Variants in ZNF610 observed in about 807,000 individuals in gnomAD.
ZNF610 encodes zink finger protein.
ZNF610 carries 14 observed loss-of-function variants against 14.1 expected under a neutral mutation model. That is an observed-to-expected ratio of 0.99 (90% CI 0.65 to 1.55). ZNF610 has a LOEUF of 1.55. ZNF610 is among the 40% of genes most tolerant of loss of function. The probability of loss-of-function intolerance (pLI) is 0.00; values close to 1 mark genes in which losing one functional copy is unlikely to be tolerated. For synonymous variants in ZNF610, 185 were observed against 187.6 expected (o/e 0.99, Z 0.11); for missense variants, 530 against 558.0 (o/e 0.95, Z 0.51).
At chr19:52,332,637 C>A (rs1331693561), upstream of ZNF610, among the ~76,000 whole-genome samples, 1 of 152,148 alleles carries the variant, frequency 6.6e-6, no homozygotes, top group Non-Finnish European at 1.5e-5. The surrounding 1 kb of genome is among the most constrained non-coding windows in gnomAD (Gnocchi z 4.1). Flanking sequence ...AAATAAGAGA[C>A]CCTAATACAA....
At chr19:52,349,019 C>T in intron 2 of ZNF610, 135 bp from the exon 3 acceptor site, 2 of 628,130 alleles carry the variant, frequency 3.2e-6, no homozygotes, top group South Asian at 4.0e-5. Flanking sequence ...TTTCTTGTCC[C>T]TGCATCAACT....
At chr19:52,340,216 C>A (rs984865723) in intron 1 of ZNF610, among the ~76,000 whole-genome samples, 1 of 152,030 alleles carries the variant, frequency 6.6e-6, no homozygotes, top group African/African-American at 2.4e-5. Context: ...GCCTGGCCAA[C>A]GTGGTGAAAA....
intron 5 of ZNF610, among the ~76,000 whole-genome samples, chr19:52,359,902 G>A (rs559659665): frequency 4.6e-5 from 7 of 152,254 alleles, no homozygotes; most frequent in Non-Finnish European, 8.8e-5. Context: ...AAAGTTTCTG[G>A]ATTGTCTCAC....
chr19:52,346,194 G>T (rs942081954), intron 1 of ZNF610, among the ~76,000 whole-genome samples: 7 of 148,700 alleles, frequency 4.7e-5, no homozygotes, highest in African/African-American at 1.0e-4. Flanking sequence ...TTTGTTTTTG[G>T]TTTTTTTTGA....
chr19:52,346,593 C>CA (rs552334579), intron 1 of ZNF610, among the ~76,000 whole-genome samples: 2 of 152,246 alleles, frequency 1.3e-5, no homozygotes, highest in African/African-American at 4.8e-5. Flanking sequence ...CCACCACACC[C>CA]AACCCCAAAA....
At chr19:52,362,743 T>G (rs1487804141) in intron 5 of ZNF610, among the ~76,000 whole-genome samples, 1 of 152,236 alleles carries the variant, frequency 6.6e-6, no homozygotes, top group African/African-American at 2.4e-5. Flanking sequence ...TTCTGTTAAT[T>G]TTGTTTTATT....
At position 52,366,146 on chromosome 19, in the gene ZNF610, A is replaced by AGATT. The variant is rs1487888842; in HGVS notation, c.768_769insGATT (p.Gln257AspfsTer8). On this transcript the variant is annotated frameshift_variant, in exon 6 of 6. Coordinates refer to ENST00000403906, the MANE Select transcript of ZNF610 (RefSeq NM_001161425.2). LOFTEE classifies it low-confidence loss of function (END_TRUNC). ...TAGAACATTGGAGAATTCATACTGG[A>AGATT]CAGAAGCCTTACAAATGTAGTGAAT... 6.2e-7 allele frequency: 1 copy of AGATT among 1,613,738 alleles called. No individual in the cohort carries two copies. The highest frequency in any genetic ancestry group is 8.5e-7 in the Non-Finnish European group (1 of 1,179,758).
At chr19:52,346,545 G>A (rs1984968860) in intron 1 of ZNF610, among the ~76,000 whole-genome samples, 1 of 152,108 alleles carries the variant, frequency 6.6e-6, no homozygotes, top group Non-Finnish European at 1.5e-5. Flanking sequence ...TGATCAGCCT[G>A]CCTCAGCCTC....
chr19:52,336,763 C>G (rs1343277769), intron 1 of ZNF610, among the ~76,000 whole-genome samples: 4 of 152,264 alleles, frequency 2.6e-5, no homozygotes, highest in East Asian at 1.9e-4. Context: ...TTGATCCGGG[C>G]CTTCCTACTC....
At position 52,339,922 on chromosome 19, in the gene ZNF610, G is replaced by C. The variant is rs529972735; in HGVS notation, c.-258+3416G>C. On this transcript the variant is annotated intron_variant, in intron 1 of 5. Coordinates refer to ENST00000403906, the MANE Select transcript of ZNF610 (RefSeq NM_001161425.2). ...GATCCACCCGCCTTGGCCTCCCAAA[G>C]TGCTGGGATTACAGGCGTGAGCCAC... Among the ~76,000 whole-genome samples, 23 of 152,288 alleles carry C rather than the reference G, an allele frequency of 1.5e-4. No individual in the cohort carries two copies. The East Asian group carries it at 4.5e-3, about 29-fold the overall frequency.
At chr19:52,331,254 T>G (rs1411555581), upstream of ZNF610, among the ~76,000 whole-genome samples, 1 of 152,210 alleles carries the variant, frequency 6.6e-6, no homozygotes, top group Non-Finnish European at 1.5e-5. Context: ...TCATTGGTTT[T>G]TCTCCCCAGT....
chr19:52,366,082 C>T lies in ZNF610; in HGVS notation c.704C>T (p.Thr235Ile). 5 of 1,613,992 alleles carry T rather than the reference C, an allele frequency of 3.1e-6. No homozygotes were observed. The highest frequency in any genetic ancestry group is 4.2e-6 in the Non-Finnish European group (5 of 1,179,972). Residue 235 changes from threonine to isoleucine, a missense_variant, in exon 6 of 6, where the codon ACT becomes ATT. Thr to Ile is a moderately conservative substitution (Grantham distance 89, BLOSUM62 -1). Transcript: ENST00000403906. ...IHTAEKPYKC[T>I]ECGKVFSRNS... ...ACTGCAGAGAAACCTTACAAATGTA[C>T]TGAATGTGGCAAGGTCTTCAGTCGC...
At chr19:52,341,602 G>T (rs141747688) in intron 1 of ZNF610, among the ~76,000 whole-genome samples, 3 of 151,856 alleles carry the variant, frequency 2.0e-5, no homozygotes, top group African/African-American at 7.2e-5. Context: ...GCCACCGTGC[G>T]TGGCCCCTAA....
In ZNF610 at chr19:52,366,032, C is replaced by T. The variant is rs61740369; in HGVS notation, c.654C>T (p.Ser218=). 3,814 of 1,614,036 alleles carry T rather than the reference C, an allele frequency of 2.4e-3. 82 individuals are homozygous for T. The African/African-American group carries it at 0.043, about 18-fold the overall frequency. The change falls in exon 6 of 6, where the codon AGC becomes AGT. Residue 218 remains serine, a synonymous_variant. Coordinates refer to ENST00000403906, the MANE Select transcript of ZNF610 (RefSeq NM_001161425.2). ...GTGAAGTTTTTAGAGTCCGTGCAAG[C>T]CTTACTAACCATCAAGTAATCCATA... The part of the protein sequence containing the change: ...EDGEVFRVRA[S]LTNHQVIHTA...
chr19:52,335,766 G>A (rs1353637321), upstream of ZNF610, among the ~76,000 whole-genome samples: 1 of 152,164 alleles, frequency 6.6e-6, no homozygotes, highest in African/African-American at 2.4e-5. Flanking sequence ...CCCAGGCAGG[G>A]CTTTGCATTT....
At chr19:52,337,691 T>C (rs1984451455) in intron 1 of ZNF610, among the ~76,000 whole-genome samples, 1 of 152,016 alleles carries the variant, frequency 6.6e-6, no homozygotes, top group Admixed American at 6.6e-5. Context: ...GAGCGATGAG[T>C]TGATGGACTA....
intron 1 of ZNF610, among the ~76,000 whole-genome samples, chr19:52,346,055 G>A (rs1984939187): frequency 6.6e-6 from 1 of 151,388 alleles, no homozygotes; most frequent in African/African-American, 2.5e-5. Flanking sequence ...CTGGAATGTA[G>A]TAGTGTGATC....
chr19:52,337,704 A>G (rs569350745), intron 1 of ZNF610, among the ~76,000 whole-genome samples: 1 of 152,228 alleles, frequency 6.6e-6, no homozygotes, highest in African/African-American at 2.4e-5. Context: ...ATGGACTATT[A>G]TGATCAAATT....
chr19:52,360,921 G>C (rs1381513042), intron 5 of ZNF610, among the ~76,000 whole-genome samples: 1 of 152,218 alleles, frequency 6.6e-6, no homozygotes, highest in Non-Finnish European at 1.5e-5. Context: ...TATTGAATGA[G>C]AGAGGGAGTG....
Sources: gnomAD v4.1 joint callset for allele counts (sites outside exome capture counted in the v4.1 genomes callset) on GRCh38, gnomAD v4.1.1 for gene constraint, Gnocchi (gnomAD v3.1) non-coding constraint, MANE v1.5 for transcripts, NCBI Gene and HGNC (gene_info 2026-07-23, HGNC 2026-07-21) for gene names.